Variants in TSPAN12 observed in about 807,000 individuals in gnomAD.
The protein encoded by TSPAN12 is tetraspanin 12.
Under a neutral mutation model 39.2 loss-of-function variants are expected in TSPAN12, and 19 were observed. The observed-to-expected ratio is 0.49, with a 90% CI of 0.34 to 0.71. TSPAN12 has a LOEUF of 0.71. Among genes scored for constraint, TSPAN12 ranks in the 30% least tolerant of loss-of-function variants. TSPAN12 has a pLI of 0.01. For missense variants in TSPAN12, 314 were observed against 359.9 expected (o/e 0.87, Z 1.03); for synonymous variants, 119 against 124.8 (o/e 0.95, Z 0.31).
At chr7:120,799,719 ATTT>A (rs1793721703) in intron 7 of TSPAN12, among the ~76,000 whole-genome samples, 1 of 126,624 alleles carries the variant, frequency 7.9e-6, no homozygotes, top group African/African-American at 3.1e-5. Context: ...TATATTAAAT[ATTT>A]ATTATATTTC....
At chr7:120,790,520 T>G (rs1293929346) in intron 7 of TSPAN12, among the ~76,000 whole-genome samples, 2 of 152,124 alleles carry the variant, frequency 1.3e-5, no homozygotes, top group African/African-American at 2.4e-5. Context: ...TAAAAATAGA[T>G]GGAAAATCTA....
At chr7:120,798,466 C>A (rs1273032087) in intron 7 of TSPAN12, among the ~76,000 whole-genome samples, 1 of 152,180 alleles carries the variant, frequency 6.6e-6, no homozygotes, top group African/African-American at 2.4e-5. Context: ...ACTGAACCTG[C>A]AAACTGCAAA....
intron 4 of TSPAN12, among the ~76,000 whole-genome samples, chr7:120,817,250 A>C (rs1794102338): frequency 6.6e-6 from 1 of 151,906 alleles, no homozygotes; most frequent in Non-Finnish European, 1.5e-5. Context: ...TTAGCCAGGC[A>C]TGGTGGTATG....
chr7:120,844,657 T>C (rs1344868704), intron 2 of TSPAN12, among the ~76,000 whole-genome samples: 1 of 152,232 alleles, frequency 6.6e-6, no homozygotes, highest in African/African-American at 2.4e-5. Flanking sequence ...GCAAAACTGA[T>C]GCAAGGGGTG....
At chr7:120,830,133 TGAAA>T (rs1794363214) in intron 4 of TSPAN12, among the ~76,000 whole-genome samples, 1 of 151,984 alleles carries the variant, frequency 6.6e-6, no homozygotes, top group African/African-American at 2.4e-5. Context: ...AAAATACTGA[TGAAA>T]GAAATTGAAG....
chr7:120,788,786 T>G lies in TSPAN12; in HGVS notation c.724A>C (p.Ile242Leu). 1 of 1,614,114 alleles carries G rather than the reference T, an allele frequency of 6.2e-7. No homozygotes were observed. The highest frequency in any genetic ancestry group is 8.5e-7 in the Non-Finnish European group (1 of 1,180,010). The change falls in exon 8 of 8, where the codon ATT becomes CTT. Residue 242 changes from isoleucine to leucine, a missense_variant. Transcript: ENST00000222747. The part of the protein sequence containing the change: ...VTQILAMILT[I>L]TLLWALYYDR... ...TAATACAGAGCCCAGAGCAGAGTAA[T>G]GGTGAGAATCATGGCCAGGATTTGT...
At chr7:120,823,050 G>A (rs569224161) in intron 4 of TSPAN12, among the ~76,000 whole-genome samples, 1 of 152,146 alleles carries the variant, frequency 6.6e-6, no homozygotes, top group Non-Finnish European at 1.5e-5. Flanking sequence ...GCCATTTCCA[G>A]GCATATAGGC....
At position 120,815,791 on chromosome 7, in the gene TSPAN12, A is replaced by T; in HGVS notation, c.298T>A (p.Leu100Met). ...LLLLAWYFGSLLVIFCVELAC... is the reference protein window; with the variant it reads ...LLLLAWYFGSMLVIFCVELAC... ...AGTTCTACACAGAAAATGACAAGCA[A>T]ACTTCCAAAGTACTGTAGAAAAACA... Residue 100 changes from leucine (L) to methionine (M), a missense_variant, in exon 5 of 8, where the codon TTG becomes ATG. Coordinates refer to ENST00000222747, the MANE Select transcript of TSPAN12 (RefSeq NM_012338.4). The T allele has an allele frequency of 1.2e-6, 2 of 1,612,746 alleles. No homozygotes were observed. The highest frequency in any genetic ancestry group is 1.7e-6 in the Non-Finnish European group (2 of 1,179,532).
In TSPAN12 at chr7:120,807,155, T is replaced by C. The variant is rs1793890471; in HGVS notation, c.469-463A>G. On this transcript the variant is annotated intron_variant, in intron 6 of 7. Coordinates refer to ENST00000222747, the MANE Select transcript of TSPAN12 (RefSeq NM_012338.4). ...AAACATGTGTTGACCAAAGCCCACA[T>C]CACAAAAAGTTAGCAGACATCGATT... 2.6e-5 allele frequency among the ~76,000 whole-genome samples: 4 copies of C among 152,110 alleles called. No individual in the cohort carries two copies. In the South Asian group the frequency reaches 8.3e-4, roughly 32 times the overall value.
chr7:120,814,211 T>C (rs770462406), intron 5 of TSPAN12: 1 of 456,732 alleles, frequency 2.2e-6, no homozygotes, highest in Non-Finnish European at 4.4e-6. Flanking sequence ...AAATGACTTC[T>C]ATTTTACTGT....
At chr7:120,808,917 T>G (rs1303305601) in intron 6 of TSPAN12, among the ~76,000 whole-genome samples, 1 of 151,558 alleles carries the variant, frequency 6.6e-6, no homozygotes, top group East Asian at 1.9e-4. Context: ...ATAAGGTCAT[T>G]AGGGTGGGCC....
At position 120,816,209 on chromosome 7, in the gene TSPAN12, A is replaced by G. The variant is rs565370385; in HGVS notation, c.286-406T>C. Among the ~76,000 whole-genome samples, 150 of 152,194 alleles carry G rather than the reference A, an allele frequency of 9.9e-4. No homozygotes were observed. The Middle Eastern group carries it at 0.02, about 21-fold the overall frequency. On this transcript the variant is annotated intron_variant, in intron 4 of 7. Coordinates refer to ENST00000222747, the MANE Select transcript of TSPAN12 (RefSeq NM_012338.4). ...AGATTTTAACTCATTCTTCTAGGCA[A>G]TGGGGGTTGGGGGGTTTCCTTTGCA...
At chr7:120,837,894 T>G (rs1208923913) in intron 4 of TSPAN12, among the ~76,000 whole-genome samples, 1 of 152,146 alleles carries the variant, frequency 6.6e-6, no homozygotes, top group Non-Finnish European at 1.5e-5. Flanking sequence ...GCTGGGAGAA[T>G]TTACCCCACG....
In TSPAN12 at chr7:120,788,598, C is replaced by A; in HGVS notation, c.912G>T (p.Glu304Asp). The A allele has an allele frequency of 6.2e-7, 1 of 1,614,098 alleles. No homozygotes were observed. The change falls in exon 8 of 8, where the codon GAG becomes GAT. Residue 304 changes from glutamate to aspartate, a missense_variant. Physicochemically the swap from Glu to Asp is conservative, Grantham distance 45. Coordinates refer to ENST00000222747, the MANE Select transcript of TSPAN12 (RefSeq NM_012338.4). ...TCTTCTGTGACATTTCTTTTTATAA[C>A]TCCTCCATCTCAAAGTGTGTATTAA... ...NSFNTHFEME[E>D]L is the part of the protein sequence containing the mutation.
intron 4 of TSPAN12, among the ~76,000 whole-genome samples, chr7:120,829,756 C>T (rs1323870588): frequency 6.6e-6 from 1 of 152,054 alleles, no homozygotes; most frequent in Non-Finnish European, 1.5e-5. Flanking sequence ...AGGACAGTCA[C>T]CAAATCAATG....
At chr7:120,822,711 C>T (rs1562945864) in intron 4 of TSPAN12, among the ~76,000 whole-genome samples, 1 of 152,016 alleles carries the variant, frequency 6.6e-6, no homozygotes, top group African/African-American at 2.4e-5. Flanking sequence ...TTAGACCTCC[C>T]CCAAACACAG....
chr7:120,828,286 A>G (rs1794326896), intron 4 of TSPAN12, among the ~76,000 whole-genome samples: 1 of 152,226 alleles, frequency 6.6e-6, no homozygotes, highest in African/African-American at 2.4e-5. Flanking sequence ...CCTACCAGGG[A>G]TACATAGCAA....
intron 2 of TSPAN12, among the ~76,000 whole-genome samples, chr7:120,845,448 TA>T (rs1212859318): frequency 6.6e-6 from 1 of 151,834 alleles, no homozygotes; most frequent in Non-Finnish European, 1.5e-5. Context: ...GCTTTCCTTC[TA>T]AATATAAGTT....
intron 4 of TSPAN12, among the ~76,000 whole-genome samples, chr7:120,831,730 T>C (rs2116440618): frequency 6.6e-6 from 1 of 152,132 alleles, no homozygotes; most frequent in African/African-American, 2.4e-5. Context: ...ACCTATTGCA[T>C]AGCATGGTGA....
Sources: gnomAD v4.1 joint callset for allele counts (sites outside exome capture counted in the v4.1 genomes callset) on GRCh38, gnomAD v4.1.1 for gene constraint, MANE v1.5 for transcripts, NCBI Gene and HGNC (gene_info 2026-07-23, HGNC 2026-07-21) for gene names.